The following ARF3 variants were observed in gnomAD, a reference collection of about 807,000 sequenced individuals.
ARF3 encodes the protein ADP-ribosylation factor 3.
A neutral mutation model predicts 19.3 loss-of-function variants in ARF3; 5 were observed. That is an observed-to-expected ratio of 0.26 (90% CI 0.14 to 0.54). ARF3 has a LOEUF of 0.54. Among genes scored for constraint, ARF3 ranks in the 20% least tolerant of loss-of-function variants. The pLI, the probability that ARF3 is intolerant of heterozygous loss-of-function variation, is 0.95. For synonymous variants in ARF3, 71 were observed against 89.2 expected (o/e 0.80, Z 1.15); for missense variants, 77 against 234.2 (o/e 0.33, Z 4.38).
At chr12:48,950,474 A>G (rs1287557324) in intron 1 of ARF3, among the ~76,000 whole-genome samples, 1 of 152,152 alleles carries the variant, frequency 6.6e-6, no homozygotes, top group Non-Finnish European at 1.5e-5. Context: ...GGCATGAGCC[A>G]CTGTACCCGA....
Position 48,939,545 on chromosome 12 carries a change from C to A in ARF3, c.384+110G>T. ...GCCAAGTGCTCAGTTTCCCACGCTT[C>A]TAACATTGAGAGCATACTAAAAGGG... On this transcript the variant is annotated intron_variant, in intron 4 of 4. Coordinates refer to ENST00000256682, the MANE Select transcript of ARF3 (RefSeq NM_001659.3). The surrounding 1 kb of genome is among the most constrained non-coding windows in gnomAD (Gnocchi z 4.8). 1 of 1,479,366 alleles carries A rather than the reference C, an allele frequency of 6.8e-7. No individual in the cohort carries two copies. Among genetic ancestry groups the A allele is most frequent in the Non-Finnish European group, 9.2e-7 (1 of 1,083,146 alleles). The allele number at this position is 1,479,366 out of a possible 1,614,324, so 91.6% of individuals were successfully genotyped here. A position where few individuals can be genotyped will look rare whatever the true frequency, so the allele number is the denominator to read the frequency against.
intron 1 of ARF3, among the ~76,000 whole-genome samples, chr12:48,944,981 C>T (rs1940331139): frequency 7.1e-6 from 1 of 141,372 alleles, no homozygotes; most frequent in Non-Finnish European, 1.6e-5. Context: ...GAAGCCCCAT[C>T]TCTATTAAAA....
chr12:48,945,674 G>A (rs1414928530), intron 1 of ARF3, among the ~76,000 whole-genome samples: 1 of 151,966 alleles, frequency 6.6e-6, no homozygotes, highest in East Asian at 1.9e-4. Context: ...AGTGAGCCGA[G>A]ATCACGCCAC....
At chr12:48,940,191 C>T in intron 2 of ARF3, 84 bp from the exon 3 acceptor site, 1 of 1,151,242 alleles carries the variant, frequency 8.7e-7, no homozygotes, top group Non-Finnish European at 1.3e-6. Context: ...GTTCTGCTTT[C>T]CCCCAGTGGT....
Position 48,938,314 on chromosome 12 carries a change from G to C in ARF3, c.*633C>G, listed in dbSNP as rs749955857. ...GTCAAAGACTGGGGCAGTCCGGCTT[G>C]ACTAATGCCCTCCCACCTTCTTCCC... On this transcript the variant is annotated 3_prime_UTR_variant, in exon 5 of 5. Coordinates refer to ENST00000256682, the MANE Select transcript of ARF3 (RefSeq NM_001659.3). The C allele has an allele frequency of 2.2e-6, 1 of 448,734 alleles. No homozygotes were observed. Among genetic ancestry groups the C allele is most frequent in the South Asian group, 1.6e-5 (1 of 63,930 alleles). 27.8% of individuals were successfully genotyped at this position (448,734 alleles called of 1,614,324 possible).
At chr12:48,943,207 AC>A (rs765020188) in intron 1 of ARF3, among the ~76,000 whole-genome samples, 43 of 152,228 alleles carry the variant, frequency 2.8e-4, no homozygotes, top group Non-Finnish European at 5.9e-4. Context: ...CTATCTGCTC[AC>A]CCCAGCCATT....
Position 48,939,368 on chromosome 12 carries a change from A to C in ARF3, c.385-260T>G, listed in dbSNP as rs1195295620. On this transcript the variant is annotated intron_variant, in intron 4 of 4. Transcript: ENST00000256682. This position sits in a 1 kb window ranked among gnomAD's most constrained non-coding sequence, Gnocchi z 4.8. Reference sequence around the variant, plus strand: ...GCAAGAGACGTGATTCAGACTGACCAAAGAATCAGGTCTGTCTGACAGCAG... The same window carrying C: ...GCAAGAGACGTGATTCAGACTGACCCAAGAATCAGGTCTGTCTGACAGCAG... Among the ~76,000 whole-genome samples, 1 of 152,184 alleles carries C rather than the reference A, an allele frequency of 6.6e-6. No homozygotes were observed. Among genetic ancestry groups the C allele is most frequent in the Non-Finnish European group, 1.5e-5 (1 of 68,026 alleles).
chr12:48,938,152 G>A lies in ARF3; in HGVS notation c.*795C>T, dbSNP rs11547437. 5.9e-6 allele frequency: 2 copies of A among 336,492 alleles called. No individual in the cohort carries two copies. Among genetic ancestry groups the A allele is most frequent in the Admixed American group, 7.7e-5 (2 of 26,038 alleles). 20.8% of individuals were successfully genotyped at this position (336,492 alleles called of 1,614,324 possible). On this transcript the variant is annotated 3_prime_UTR_variant, in exon 5 of 5. Coordinates refer to ENST00000256682, the MANE Select transcript of ARF3 (RefSeq NM_001659.3). ...GCAGAGCAGAGTGGCATCTCCTTGGGAACAGTCATCTAGAGATAAATGCCA... is the reference window on the plus strand; with the variant it reads ...GCAGAGCAGAGTGGCATCTCCTTGGAAACAGTCATCTAGAGATAAATGCCA...
intron 1 of ARF3, among the ~76,000 whole-genome samples, chr12:48,948,215 G>A (rs1405208327): frequency 7.6e-6 from 1 of 130,868 alleles, no homozygotes; most frequent in African/African-American, 2.8e-5. Context: ...TCAAAAAAAA[G>A]AAAAAGAAAA....
chr12:48,942,502 C>T (rs576910279), intron 1 of ARF3, among the ~76,000 whole-genome samples: 1 of 152,202 alleles, frequency 6.6e-6, no homozygotes, highest in East Asian at 1.9e-4. Flanking sequence ...CCAAAGAGGC[C>T]TCCCACAACC....
At chr12:48,948,639 C>T (rs1308267906) in intron 1 of ARF3, among the ~76,000 whole-genome samples, 1 of 151,980 alleles carries the variant, frequency 6.6e-6, no homozygotes, top group Non-Finnish European at 1.5e-5. Flanking sequence ...GGTAAAACCC[C>T]GTCTCTACTA....
In ARF3 at chr12:48,936,325, A is replaced by T. The variant is rs1378572844; in HGVS notation, c.*2622T>A. 1 of 152,644 alleles carries T rather than the reference A, an allele frequency of 6.6e-6. No individual in the cohort carries two copies. The highest frequency in any genetic ancestry group is 1.5e-5 in the Non-Finnish European group (1 of 68,058). 9.5% of individuals were successfully genotyped at this position (152,644 alleles called of 1,614,324 possible). A position where few individuals can be genotyped will look rare whatever the true frequency, so the allele number is the denominator to read the frequency against. On this transcript the variant is annotated 3_prime_UTR_variant, in exon 5 of 5. Transcript: ENST00000256682. ...TATACAGTCTACATTCCAGAGGAGG[A>T]ACTGCAGTTACCACTATAACACCAC...
chr12:48,946,544 A>C (rs1940361831), intron 1 of ARF3, among the ~76,000 whole-genome samples: 1 of 152,260 alleles, frequency 6.6e-6, no homozygotes, highest in African/African-American at 2.4e-5. Context: ...AGATATCTGC[A>C]GGTTCTGTTT....
chr12:48,953,511 A>C (rs902241194), intron 1 of ARF3, among the ~76,000 whole-genome samples: 1 of 152,086 alleles, frequency 6.6e-6, no homozygotes, highest in South Asian at 2.1e-4. Context: ...CACGCTTGAC[A>C]CTCCTGTGCA....
chr12:48,954,411 A>G (rs1356581194), intron 1 of ARF3, among the ~76,000 whole-genome samples: 1 of 152,218 alleles, frequency 6.6e-6, no homozygotes, highest in African/African-American at 2.4e-5. Flanking sequence ...TGTTCATATT[A>G]TTAGGATTAT....
rs1458661121 is a variant in ARF3, at chr12:48,941,176, G to A, written c.-81C>T. ...CTGGTTTTGGCCTGGTCCCTGGTAT[G>A]GAAGACTTGATCCTAGACAAAGGAA... On this transcript the variant is annotated 5_prime_UTR_variant, in exon 2 of 5. Transcript: ENST00000256682. The A allele has an allele frequency of 2.1e-6, 3 of 1,434,688 alleles. No individual in the cohort carries two copies. The highest frequency in any genetic ancestry group is 1.4e-5 in the African/African-American group (1 of 69,340). 88.9% of individuals were successfully genotyped at this position (1,434,688 alleles called of 1,614,324 possible).
intron 1 of ARF3, among the ~76,000 whole-genome samples, chr12:48,951,866 C>T (rs1044721455): frequency 9.3e-5 from 14 of 149,822 alleles, no homozygotes; most frequent in Admixed American, 4.0e-4. Context: ...GCAACAAGAG[C>T]GAAACTCCGT....
At chr12:48,954,367 C>G (rs887720714) in intron 1 of ARF3, among the ~76,000 whole-genome samples, 2 of 152,218 alleles carry the variant, frequency 1.3e-5, no homozygotes, top group African/African-American at 4.8e-5. Flanking sequence ...AGTTGTTCTT[C>G]TGTAAACCTC....
intron 1 of ARF3, among the ~76,000 whole-genome samples, chr12:48,954,044 G>A (rs1169730723): frequency 1.3e-5 from 2 of 152,166 alleles, no homozygotes; most frequent in East Asian, 3.9e-4. Context: ...TAAAATAAGG[G>A]CATCTAGGAA....
Sources: allele counts gnomAD v4.1 joint callset (sites outside exome capture counted in the v4.1 genomes callset), GRCh38; gene constraint gnomAD v4.1.1; non-coding constraint Gnocchi (gnomAD v3.1); transcripts MANE v1.5; gene names NCBI Gene and HGNC (gene_info 2026-07-23, HGNC 2026-07-21).